Variants in EPM2A observed in about 807,000 individuals in gnomAD.
EPM2A encodes the protein EPM2A glucan phosphatase, laforin.
In EPM2A, 21 loss-of-function variants were observed where a neutral mutation model predicts 26.5. That is an observed-to-expected ratio of 0.79 (90% CI 0.56 to 1.14). The LOEUF (loss-of-function observed/expected upper bound fraction) is 1.14, where lower values mean the gene tolerates loss of function less well. Ranked by LOEUF, EPM2A falls within the 50% of genes most tolerant of loss-of-function variation. The pLI is 0.00. For missense variants in EPM2A, 458 were observed against 440.8 expected, an observed-to-expected ratio of 1.04 and a Z score of -0.35; for synonymous variants, 217 against 177.6, an observed-to-expected ratio of 1.22 and a Z score of -1.76.
chr6:145,700,393 C>G (rs1781845052), intron 1 of EPM2A, among the ~76,000 whole-genome samples: 1 of 152,000 alleles, frequency 6.6e-6, no homozygotes, highest in Non-Finnish European at 1.5e-5. Flanking sequence ...ATGGCACTCT[C>G]AGAATTAACT....
intron 4 of EPM2A, among the ~76,000 whole-genome samples, chr6:145,473,178 T>A (rs970877953): frequency 2.0e-5 from 3 of 151,964 alleles, no homozygotes; most frequent in Non-Finnish European, 2.9e-5. Context: ...GAATTCAGAA[T>A]TCTATCAGAT....
intron 2 of EPM2A, among the ~76,000 whole-genome samples, chr6:145,505,388 C>T (rs868239485): frequency 6.6e-6 from 1 of 151,786 alleles, no homozygotes; most frequent in Non-Finnish European, 1.5e-5. Flanking sequence ...CTTACACACA[C>T]ACACACAAAC....
At chr6:145,405,981 TACACACACACACACAC>T (rs56700058) in intron 4 of EPM2A, among the ~76,000 whole-genome samples, 2 of 146,504 alleles carry the variant, frequency 1.4e-5, no homozygotes, top group African/African-American at 2.5e-5. Flanking sequence ...TGGAGATACC[TACACACACACACACAC>T]ACACACACAC....
chr6:145,723,809 G>A (rs539500803), intron 1 of EPM2A, among the ~76,000 whole-genome samples: 1 of 152,188 alleles, frequency 6.6e-6, no homozygotes, highest in Non-Finnish European at 1.5e-5. Context: ...TTAAATACCA[G>A]AGATGAGAAA....
chr6:145,635,187 C>T lies in EPM2A; in HGVS notation c.718+58G>A, dbSNP rs1003807601. 3.1e-6 allele frequency: 5 copies of T among 1,601,894 alleles called. No individual in the cohort carries two copies. In the African/African-American group the frequency reaches 6.7e-5, roughly 21 times the overall value. Reference sequence around the variant, plus strand: ...AGATATTAAATTATAGATAGACAGACAGACAGCAAGGGTTTCTCTGAAATA... The same window carrying T: ...AGATATTAAATTATAGATAGACAGATAGACAGCAAGGGTTTCTCTGAAATA... On this transcript the variant is annotated intron_variant, in intron 3 of 3. Coordinates refer to ENST00000367519, the MANE Select transcript of EPM2A (RefSeq NM_005670.4).
chr6:145,454,327 C>A (rs1779233568), intron 4 of EPM2A, among the ~76,000 whole-genome samples: 1 of 151,986 alleles, frequency 6.6e-6, no homozygotes, highest in African/African-American at 2.4e-5. Context: ...TTTTAAAAGC[C>A]CCGCAATATT....
chr6:145,563,071 A>T (rs960751272), intron 2 of EPM2A, among the ~76,000 whole-genome samples: 1 of 151,828 alleles, frequency 6.6e-6, no homozygotes, highest in East Asian at 2.0e-4. Flanking sequence ...ACTCGAGCTG[A>T]TCTGAAACGG....
chr6:145,636,932 A>G (rs1776732364), intron 2 of EPM2A: 1 of 148,870 alleles, frequency 6.7e-6, no homozygotes, highest in African/African-American at 2.6e-5. Context: ...TGAAAAAAAA[A>G]AAAAAATTAA....
At chr6:145,694,465 T>C (rs927150679) in intron 1 of EPM2A, among the ~76,000 whole-genome samples, 1 of 152,004 alleles carries the variant, frequency 6.6e-6, no homozygotes, top group Non-Finnish European at 1.5e-5. Context: ...AGCACTTTGA[T>C]GAATGGCAAA....
At chr6:145,708,293 C>T (rs531546069) in intron 1 of EPM2A, among the ~76,000 whole-genome samples, 1 of 152,236 alleles carries the variant, frequency 6.6e-6, no homozygotes, top group East Asian at 1.9e-4. Context: ...TAATGATGAG[C>T]CAAAGGTTAA....
At chr6:145,547,138 A>T (rs547677661) in intron 2 of EPM2A, among the ~76,000 whole-genome samples, 16 of 152,136 alleles carry the variant, frequency 1.1e-4, no homozygotes, top group African/African-American at 3.6e-4. Flanking sequence ...AATAAACCAA[A>T]CCTATCAACT....
intron 4 of EPM2A, among the ~76,000 whole-genome samples, chr6:145,400,299 C>T (rs779018791): frequency 1.2e-4 from 19 of 152,148 alleles, no homozygotes; most frequent in South Asian, 4.1e-4. Flanking sequence ...AATTAATCCC[C>T]TCTTGTCCAA....
intron 1 of EPM2A, among the ~76,000 whole-genome samples, chr6:145,694,592 T>C (rs1048418170): frequency 6.6e-6 from 1 of 151,472 alleles, no homozygotes; most frequent in Non-Finnish European, 1.5e-5. Flanking sequence ...AAGTAAGAGG[T>C]GTTAAGATTG....
At chr6:145,606,246 A>G (rs1227119764) in intron 2 of EPM2A, among the ~76,000 whole-genome samples, 1 of 152,142 alleles carries the variant, frequency 6.6e-6, no homozygotes, top group Non-Finnish European at 1.5e-5. Flanking sequence ...GTCAGCACAC[A>G]CATAGAATTT....
intron 2 of EPM2A, among the ~76,000 whole-genome samples, chr6:145,573,750 T>A (rs770148735): frequency 8.5e-5 from 13 of 152,202 alleles, no homozygotes; most frequent in Non-Finnish European, 1.8e-4. Context: ...GCTAAGTATG[T>A]CTACACAAAT....
intron 2 of EPM2A, among the ~76,000 whole-genome samples, chr6:145,569,472 T>C (rs144781980): frequency 5.3e-4 from 80 of 152,324 alleles, no homozygotes; most frequent in African/African-American, 1.9e-3. Context: ...AAATGCATCA[T>C]AGGCAAGAAA....
At chr6:145,558,696 G>A (rs1780765491) in intron 2 of EPM2A, among the ~76,000 whole-genome samples, 1 of 152,008 alleles carries the variant, frequency 6.6e-6, no homozygotes, top group African/African-American at 2.4e-5. Context: ...TTCGAGAAAT[G>A]TTTATTCAGA....
intron 2 of EPM2A, among the ~76,000 whole-genome samples, chr6:145,514,402 T>A (rs1780096834): frequency 6.6e-6 from 1 of 152,048 alleles, no homozygotes. Context: ...GGGAAAAATA[T>A]GGGGAGTATG....
chr6:145,565,769 A>T (rs1245973028), intron 2 of EPM2A, among the ~76,000 whole-genome samples: 2 of 152,144 alleles, frequency 1.3e-5, no homozygotes, highest in Non-Finnish European at 2.9e-5. Flanking sequence ...TGACTATCCA[A>T]CTTCCTTATC....
Sources: allele counts gnomAD v4.1 joint callset (sites outside exome capture counted in the v4.1 genomes callset), GRCh38; gene constraint gnomAD v4.1.1; transcripts MANE v1.5; gene names NCBI Gene and HGNC (gene_info 2026-07-23, HGNC 2026-07-21).